Variants in RETREG1 observed in about 807,000 individuals in gnomAD.
RETREG1 encodes reticulophagy regulator 1, also known as family with sequence similarity 134 member B.
RETREG1 carries 44 observed loss-of-function variants against 54.8 expected under a neutral mutation model. The observed-to-expected ratio is 0.80, with a 90% CI of 0.63 to 1.03. The LOEUF is 1.03. Ranked by LOEUF, RETREG1 falls within the 50% of genes least tolerant of loss-of-function variation. RETREG1 has a pLI of 0.00. For missense variants in RETREG1, 554 were observed against 605.1 expected (o/e 0.92, Z 0.89); for synonymous variants, 217 against 238.5 (o/e 0.91, Z 0.83).
Position 16,572,606 on chromosome 5 carries a change from G to A in RETREG1, c.321-504C>T, listed in dbSNP as rs185855239. Among the ~76,000 whole-genome samples the A allele has an allele frequency of 1.5e-3, 221 of 152,274 alleles. 2 individuals are homozygous for A. Among genetic ancestry groups the A allele is most frequent in the African/African-American group, 4.9e-3 (203 of 41,564 alleles). ...AAAATGAAAGTGTCTGAGCCTGCGC[G>A]CTTTTGTGCTAAGCTTTCTGCTCTA... On this transcript the variant is annotated intron_variant, in intron 1 of 8. Transcript: ENST00000306320.
intron 1 of RETREG1, among the ~76,000 whole-genome samples, chr5:16,611,498 G>A (rs1049696074): frequency 2.0e-5 from 3 of 152,120 alleles, no homozygotes; most frequent in Non-Finnish European, 2.9e-5. Flanking sequence ...ACAGCGATCA[G>A]CAAGACTTAG....
chr5:16,574,414 G>T (rs746846278), intron 1 of RETREG1, among the ~76,000 whole-genome samples: 1 of 152,174 alleles, frequency 6.6e-6, no homozygotes, highest in South Asian at 2.1e-4. Flanking sequence ...AGGATGTGAC[G>T]GGGTAGGGAG....
chr5:16,606,266 A>G (rs1372969686), intron 1 of RETREG1, among the ~76,000 whole-genome samples: 1 of 152,166 alleles, frequency 6.6e-6, no homozygotes, highest in Non-Finnish European at 1.5e-5. Flanking sequence ...CTGCTCCAGA[A>G]CAACCCTCTC....
intron 1 of RETREG1, among the ~76,000 whole-genome samples, chr5:16,614,730 T>C (rs1034348957): frequency 6.6e-6 from 1 of 152,222 alleles, no homozygotes; most frequent in African/African-American, 2.4e-5. Flanking sequence ...TTAGCTATAA[T>C]GCTGAAATAG....
chr5:16,592,188 A>T (rs1342271241), intron 1 of RETREG1, among the ~76,000 whole-genome samples: 1 of 152,234 alleles, frequency 6.6e-6, no homozygotes, highest in Non-Finnish European at 1.5e-5. Context: ...AAAAAGAATG[A>T]ACTATTTTGA....
At chr5:16,581,058 T>C (rs1382027852) in intron 1 of RETREG1, among the ~76,000 whole-genome samples, 2 of 152,136 alleles carry the variant, frequency 1.3e-5, no homozygotes. Context: ...TCAGGCCTTC[T>C]CAAGGGGTTG....
chr5:16,524,027 C>T (rs1291528643), intron 3 of RETREG1, among the ~76,000 whole-genome samples: 1 of 152,174 alleles, frequency 6.6e-6, no homozygotes, highest in Non-Finnish European at 1.5e-5. Flanking sequence ...ACTGGTCCAA[C>T]CCTGCCCCGC....
chr5:16,605,975 G>A (rs1198931510), intron 1 of RETREG1, among the ~76,000 whole-genome samples: 1 of 152,218 alleles, frequency 6.6e-6, no homozygotes, highest in Admixed American at 6.5e-5. Flanking sequence ...CCATGGCAGA[G>A]AGAAAAGATT....
chr5:16,527,049 C>T (rs77185551), intron 3 of RETREG1, among the ~76,000 whole-genome samples: 3,759 of 152,312 alleles, frequency 0.025, 158 homozygotes, highest in African/African-American at 0.085. Context: ...GCCTTTGTTG[C>T]GCCTGCATCA....
chr5:16,537,470 A>G (rs1741107351), intron 3 of RETREG1, among the ~76,000 whole-genome samples: 1 of 152,158 alleles, frequency 6.6e-6, no homozygotes, highest in Non-Finnish European at 1.5e-5. Context: ...AATTCCAACA[A>G]AGGTGTTAAG....
At chr5:16,611,761 G>C (rs1186047128) in intron 1 of RETREG1, among the ~76,000 whole-genome samples, 2 of 152,182 alleles carry the variant, frequency 1.3e-5, no homozygotes, top group East Asian at 1.9e-4. Context: ...ACACACAGCA[G>C]AGATGAATCA....
chr5:16,500,281 C>A (rs1416425655), intron 3 of RETREG1, among the ~76,000 whole-genome samples: 3 of 152,204 alleles, frequency 2.0e-5, no homozygotes, highest in Non-Finnish European at 4.4e-5. Context: ...TGCATTGCTA[C>A]ATCCAGGTTT....
chr5:16,591,168 G>A (rs923425485), intron 1 of RETREG1, among the ~76,000 whole-genome samples: 1 of 152,206 alleles, frequency 6.6e-6, no homozygotes, highest in Non-Finnish European at 1.5e-5. Context: ...TAGTTGAGAT[G>A]CAGGAAGACA....
At chr5:16,565,694 A>G in intron 3 of RETREG1, 69 bp downstream of exon 3, 1 of 1,505,566 alleles carries the variant, frequency 6.6e-7, no homozygotes, top group South Asian at 1.1e-5. Flanking sequence ...TCAGAGCTAC[A>G]TCTTGGTGGC....
rs113999865 is a variant in RETREG1 at position 16,539,190 on chromosome 5, A to G, written c.458+26573T>C. 6.6e-3 allele frequency among the ~76,000 whole-genome samples: 1,000 copies of G among 152,242 alleles called. 12 individuals are homozygous for G. The highest frequency in any genetic ancestry group is 0.023 in the African/African-American group (953 of 41,544). On this transcript the variant is annotated intron_variant, in intron 3 of 8. Transcript: ENST00000306320. ...TCCAAATGGGGAGGTACATCCATAA[A>G]GGGGGCCACCCGAGGGAGGAAGAAG...
intron 1 of RETREG1, among the ~76,000 whole-genome samples, chr5:16,586,928 C>A (rs1742639843): frequency 6.6e-6 from 1 of 152,202 alleles, no homozygotes; most frequent in Admixed American, 6.5e-5. Flanking sequence ...TCATTGTGTT[C>A]TCACGTGGTA....
intron 3 of RETREG1, among the ~76,000 whole-genome samples, chr5:16,491,281 C>T (rs1739235483): frequency 6.6e-6 from 1 of 152,196 alleles, no homozygotes; most frequent in South Asian, 2.1e-4. Context: ...CGACCACGAC[C>T]GTCGCATCTG....
At chr5:16,576,195 C>T (rs929724455) in intron 1 of RETREG1, among the ~76,000 whole-genome samples, 2 of 152,172 alleles carry the variant, frequency 1.3e-5, no homozygotes, top group Non-Finnish European at 2.9e-5. Flanking sequence ...CCACTAAGCT[C>T]ATCCTTCCCC....
At chr5:16,606,646 C>G (rs918906568) in intron 1 of RETREG1, among the ~76,000 whole-genome samples, 1 of 152,024 alleles carries the variant, frequency 6.6e-6, no homozygotes, top group Non-Finnish European at 1.5e-5. Context: ...TAGCCCATAG[C>G]CTTTCTCTCC....
Sources: gnomAD v4.1 joint callset for allele counts (sites outside exome capture counted in the v4.1 genomes callset) on GRCh38, gnomAD v4.1.1 for gene constraint, MANE v1.5 for transcripts, NCBI Gene and HGNC (gene_info 2026-07-23, HGNC 2026-07-21) for gene names.